The following XKR4 variants were observed in gnomAD, a reference collection of about 807,000 sequenced individuals.
XKR4 encodes the protein XK-related protein 4.
A neutral mutation model predicts 53.9 loss-of-function variants in XKR4; 12 were observed. The ratio of observed to expected loss-of-function variants is 0.22; its 90% confidence interval spans 0.14 to 0.36. The LOEUF (loss-of-function observed/expected upper bound fraction) is 0.36, where lower values mean the gene tolerates loss of function less well. Ranked by LOEUF, XKR4 falls within the 10% of genes least tolerant of loss-of-function variation. The pLI, the probability that XKR4 is intolerant of heterozygous loss-of-function variation, is 1.00. For synonymous variants in XKR4, 354 were observed against 362.4 expected, an observed-to-expected ratio of 0.98 and a Z score of 0.26; for missense variants, 799 against 859.5, an observed-to-expected ratio of 0.93 and a Z score of 0.88.
At chr8:55,321,149 T>C (rs917791243) in intron 1 of XKR4, among the ~76,000 whole-genome samples, 1 of 152,138 alleles carries the variant, frequency 6.6e-6, no homozygotes, top group East Asian at 1.9e-4. Flanking sequence ...TGCCTCCTCC[T>C]GCCTTCTTAT....
At chr8:55,280,983 G>T (rs1259710294) in intron 1 of XKR4, among the ~76,000 whole-genome samples, 1 of 152,130 alleles carries the variant, frequency 6.6e-6, no homozygotes, top group Non-Finnish European at 1.5e-5. Context: ...TAACAGTTTT[G>T]TTAAAATGTA....
chr8:55,475,592 T>A (rs1480036504), intron 2 of XKR4, among the ~76,000 whole-genome samples: 2 of 121,510 alleles, frequency 1.6e-5, no homozygotes, highest in African/African-American at 4.3e-5. Context: ...ATTTATTTAT[T>A]TATTTATTTA....
At chr8:55,194,586 C>T (rs1466949635) in intron 1 of XKR4, among the ~76,000 whole-genome samples, 1 of 152,212 alleles carries the variant, frequency 6.6e-6, no homozygotes, top group East Asian at 1.9e-4. Context: ...TGGCTCTCAA[C>T]AGGATATGTG....
At chr8:55,139,530 G>T (rs1816674856) in intron 1 of XKR4, among the ~76,000 whole-genome samples, 1 of 96,322 alleles carries the variant, frequency 1.0e-5, no homozygotes, top group African/African-American at 4.6e-5. Context: ...AAAAAAAAGA[G>T]TGCTGGCTTA....
At chr8:55,390,774 C>G (rs1276537374) in intron 2 of XKR4, among the ~76,000 whole-genome samples, 1 of 152,150 alleles carries the variant, frequency 6.6e-6, no homozygotes, top group Non-Finnish European at 1.5e-5. Flanking sequence ...GGGCAGTGGC[C>G]TTGACAATGA....
intron 1 of XKR4, among the ~76,000 whole-genome samples, chr8:55,194,170 T>C (rs557815950): frequency 6.6e-6 from 1 of 152,302 alleles, no homozygotes; most frequent in Admixed American, 6.5e-5. Context: ...AAAGAGTGGT[T>C]TCTTAGCCCA....
intron 2 of XKR4, among the ~76,000 whole-genome samples, chr8:55,423,503 T>C (rs1005495276): frequency 6.6e-6 from 1 of 152,264 alleles, no homozygotes; most frequent in Non-Finnish European, 1.5e-5. Context: ...GAGCCATCTT[T>C]CCTTGTCTGG....
chr8:55,441,064 CA>C (rs10598855), intron 2 of XKR4, among the ~76,000 whole-genome samples: 2,165 of 119,030 alleles, frequency 0.018, 35 homozygotes, highest in African/African-American at 0.052. Flanking sequence ...CTCATCTCTA[CA>C]AAAAAAAAAA....
intron 2 of XKR4, among the ~76,000 whole-genome samples, chr8:55,438,974 T>C (rs866684146): frequency 6.6e-6 from 1 of 151,994 alleles, no homozygotes; most frequent in Admixed American, 6.6e-5. Context: ...AGCCAGAACC[T>C]CAAAGTGTGG....
intron 2 of XKR4, among the ~76,000 whole-genome samples, chr8:55,400,331 C>T (rs1165245251): frequency 1.3e-5 from 2 of 152,188 alleles, no homozygotes; most frequent in African/African-American, 4.8e-5. Context: ...TATTGTCTCT[C>T]TCTGAGAAAT....
At chr8:55,259,758 A>G (rs1818492478) in intron 1 of XKR4, among the ~76,000 whole-genome samples, 1 of 152,222 alleles carries the variant, frequency 6.6e-6, no homozygotes, top group Non-Finnish European at 1.5e-5. Flanking sequence ...GCTTATGCTA[A>G]TTAATAGTCC....
chr8:55,438,469 A>C (rs1327926849), intron 2 of XKR4, among the ~76,000 whole-genome samples: 1 of 151,776 alleles, frequency 6.6e-6, no homozygotes, highest in East Asian at 1.9e-4. Context: ...GAGCACCTGT[A>C]ATCCCAGCTA....
At chr8:55,352,872 T>A (rs1803745640) in intron 1 of XKR4, among the ~76,000 whole-genome samples, 1 of 152,228 alleles carries the variant, frequency 6.6e-6, no homozygotes. Context: ...AGAATATAGT[T>A]ACCAGATGTA....
chr8:55,327,523 C>T (rs1243686156), intron 1 of XKR4, among the ~76,000 whole-genome samples: 1 of 152,126 alleles, frequency 6.6e-6, no homozygotes, highest in African/African-American at 2.4e-5. Context: ...GGAGATGGCA[C>T]AGAGGTCAAA....
chr8:55,379,611 T>C (rs1279622399), intron 2 of XKR4, among the ~76,000 whole-genome samples: 1 of 152,242 alleles, frequency 6.6e-6, no homozygotes, highest in African/African-American at 2.4e-5. Flanking sequence ...TCCCGGGTGC[T>C]GGTGTTCACT....
At chr8:55,311,517 G>A (rs185822676) in intron 1 of XKR4, among the ~76,000 whole-genome samples, 83 of 152,304 alleles carry the variant, frequency 5.4e-4, no homozygotes, top group African/African-American at 1.6e-3. Flanking sequence ...GCTAGAAGGT[G>A]AGGGGAACCC....
At chr8:55,175,246 A>G (rs1403785204) in intron 1 of XKR4, among the ~76,000 whole-genome samples, 1 of 152,246 alleles carries the variant, frequency 6.6e-6, no homozygotes, top group East Asian at 1.9e-4. Flanking sequence ...AAGAGGTTTC[A>G]AAGATATTTT....
intron 1 of XKR4, among the ~76,000 whole-genome samples, chr8:55,341,416 CA>C (rs1375380261): frequency 6.6e-6 from 1 of 152,180 alleles, no homozygotes; most frequent in Non-Finnish European, 1.5e-5. Context: ...AGGTCTACAA[CA>C]AAACCCTCAG....
intron 2 of XKR4, among the ~76,000 whole-genome samples, chr8:55,361,798 C>T (rs978804450): frequency 2.0e-5 from 3 of 152,154 alleles, no homozygotes; most frequent in African/African-American, 7.2e-5. Context: ...TCCCATTTCT[C>T]TCCCACCTCC....
Sources: gnomAD v4.1 joint callset for allele counts (sites outside exome capture counted in the v4.1 genomes callset) on GRCh38, gnomAD v4.1.1 for gene constraint, MANE v1.5 for transcripts, NCBI Gene and HGNC (gene_info 2026-07-23, HGNC 2026-07-21) for gene names.